PKN2: variants seen among roughly 807,000 people sequenced by gnomAD.
The protein encoded by PKN2 is serine/threonine-protein kinase N2.
PKN2 carries 38 observed loss-of-function variants against 119.1 expected under a neutral mutation model. That is an observed-to-expected ratio of 0.32 (90% confidence interval 0.25 to 0.42). The LOEUF (loss-of-function observed/expected upper bound fraction) is 0.42. PKN2 is among the 10% of genes least tolerant of loss of function. The probability of loss-of-function intolerance (pLI) is 1.00; values close to 1 mark genes in which losing one functional copy is unlikely to be tolerated. For missense variants in PKN2, 850 were observed against 1,165.1 expected (o/e 0.73, Z 3.94); for synonymous variants, 390 against 384.9 (o/e 1.01, Z -0.15).
At chr1:88,746,190 A>G (rs1668763349) in intron 2 of PKN2, among the ~76,000 whole-genome samples, 1 of 152,170 alleles carries the variant, frequency 6.6e-6, no homozygotes, top group Admixed American at 6.5e-5. Context: ...AAGAAAATAT[A>G]GAGGGAAAGC....
intron 1 of PKN2, among the ~76,000 whole-genome samples, chr1:88,697,853 T>C (rs1431440595): frequency 1.3e-5 from 2 of 152,218 alleles, no homozygotes; most frequent in African/African-American, 4.8e-5. Flanking sequence ...ATTTTTTTCC[T>C]TATTTTCCCC....
At chr1:88,827,004 G>A (rs902524051) in intron 18 of PKN2, among the ~76,000 whole-genome samples, 9 of 151,964 alleles carry the variant, frequency 5.9e-5, no homozygotes, top group Non-Finnish European at 1.3e-4. Context: ...GTGTGCTAAT[G>A]TATCTAATTG....
At chr1:88,791,592 G>C (rs1264574547) in intron 8 of PKN2, among the ~76,000 whole-genome samples, 1 of 152,158 alleles carries the variant, frequency 6.6e-6, no homozygotes, top group Non-Finnish European at 1.5e-5. Flanking sequence ...GTTATGTCCA[G>C]TCTCTTGGAT....
intron 1 of PKN2, among the ~76,000 whole-genome samples, chr1:88,688,568 C>T (rs1444374272): frequency 2.0e-5 from 3 of 152,162 alleles, no homozygotes; most frequent in African/African-American, 7.2e-5. Flanking sequence ...ACTTGGTAGT[C>T]TATAATTTAG....
intron 3 of PKN2, 104 bp from the exon 4 acceptor site, chr1:88,770,248 C>CT (rs1241076088): frequency 1.6e-6 from 1 of 634,228 alleles, no homozygotes; most frequent in African/African-American, 1.8e-5. Context: ...TCTTTTAACT[C>CT]TGTTTTTCAC....
chr1:88,772,393 C>T (rs1477483786), intron 6 of PKN2, among the ~76,000 whole-genome samples: 1 of 152,072 alleles, frequency 6.6e-6, no homozygotes, highest in Non-Finnish European at 1.5e-5. Context: ...TTTTTGTGCA[C>T]CCAACATGAT....
Position 88,805,600 on chromosome 1 carries a change from C to A in PKN2, c.1605C>A (p.Ser535Arg), listed in dbSNP as rs1671504021. 1.9e-6 allele frequency: 3 copies of A among 1,613,946 alleles called. No individual in the cohort carries two copies. The highest frequency in any genetic ancestry group is 2.5e-6 in the Non-Finnish European group (3 of 1,179,994). Reference sequence around the variant, plus strand: ...CAGTAAATCATTCTGGCACCTTCAGCCCTCAAGCTCCTGTGCCTACTACAG... The same window carrying A: ...CAGTAAATCATTCTGGCACCTTCAGACCTCAAGCTCCTGTGCCTACTACAG... Reference protein sequence around the residue: ...IPTVNHSGTFSPQAPVPTTVP... With the variant: ...IPTVNHSGTFRPQAPVPTTVP... The change falls in exon 11 of 22, where the codon AGC becomes AGA. Residue 535 changes from serine to arginine, a missense_variant. This residue lies in a region of PKN2 where 216 missense variants were observed against 252.8 expected (regional missense o/e 0.85). Coordinates refer to ENST00000370521, the MANE Select transcript of PKN2 (RefSeq NM_006256.4).
At chr1:88,801,249 G>A (rs1483767382) in intron 8 of PKN2, among the ~76,000 whole-genome samples, 2 of 152,124 alleles carry the variant, frequency 1.3e-5, no homozygotes, top group Non-Finnish European at 2.9e-5. Context: ...GCCATGTGTG[G>A]TGGTGGGTGC....
chr1:88,777,009 T>G (rs1002486763), intron 6 of PKN2, among the ~76,000 whole-genome samples: 1 of 152,148 alleles, frequency 6.6e-6, no homozygotes, highest in South Asian at 2.1e-4. Flanking sequence ...TCTTCAAATG[T>G]TCTTTCTTCT....
In PKN2 at chr1:88,833,389, C is replaced by G; in HGVS notation, c.2896C>G (p.Leu966Val). 6.2e-7 allele frequency: 1 copy of G among 1,613,406 alleles called. No individual in the cohort carries two copies. Among genetic ancestry groups the G allele is most frequent in the Non-Finnish European group, 8.5e-7 (1 of 1,179,462 alleles). Reference protein sequence around the residue: ...ILTPPREPRILSEEEQEMFRD... With the variant: ...ILTPPREPRIVSEEEQEMFRD... ...GACTCCACCTCGAGAACCAAGGATACTTTCGGAAGAGGAGCAGGAAATGTT... is the reference window on the plus strand; with the variant it reads ...GACTCCACCTCGAGAACCAAGGATAGTTTCGGAAGAGGAGCAGGAAATGTT... The change falls in exon 22 of 22, where the codon CTT (leucine) becomes GTT (valine). Residue 966 changes from leucine to valine, a missense_variant. Coordinates refer to ENST00000370521, the MANE Select transcript of PKN2 (RefSeq NM_006256.4).
chr1:88,794,496 G>A (rs58840332), intron 8 of PKN2, among the ~76,000 whole-genome samples: 10,163 of 152,090 alleles, frequency 0.067, 695 homozygotes, highest in African/African-American at 0.18. Context: ...CCTAGCTACT[G>A]GGGAGACTGA....
chr1:88,718,122 C>T (rs538257047), intron 1 of PKN2, among the ~76,000 whole-genome samples: 32 of 152,310 alleles, frequency 2.1e-4, no homozygotes, highest in Non-Finnish European at 4.0e-4. Context: ...GTATCACCAT[C>T]GGAGGCTGCA....
At chr1:88,759,997 AT>A in intron 2 of PKN2, among the ~76,000 whole-genome samples, 1 of 151,280 alleles carries the variant, frequency 6.6e-6, no homozygotes, top group East Asian at 1.9e-4. Context: ...TCACTTTTAT[AT>A]TTTAAGTGGA....
intron 2 of PKN2, among the ~76,000 whole-genome samples, chr1:88,750,357 T>G (rs1668938705): frequency 6.6e-6 from 1 of 152,190 alleles, no homozygotes; most frequent in African/African-American, 2.4e-5. Context: ...TGCTCCTGTG[T>G]TCTAGAACTC....
chr1:88,827,610 TCC>T (rs1356089207), intron 18 of PKN2, among the ~76,000 whole-genome samples: 2 of 88,320 alleles, frequency 2.3e-5, no homozygotes, highest in African/African-American at 4.5e-5. Context: ...CTCCCTTCCC[TCC>T]CCTTCCCTTC....
At chr1:88,758,217 T>C (rs1669295775) in intron 2 of PKN2, among the ~76,000 whole-genome samples, 1 of 152,154 alleles carries the variant, frequency 6.6e-6, no homozygotes, top group African/African-American at 2.4e-5. Flanking sequence ...TATGTATTAA[T>C]AGTTCCCATT....
In PKN2 at chr1:88,741,099, A is replaced by G; in HGVS notation, c.160A>G (p.Arg54Gly). 1 of 1,612,030 alleles carries G rather than the reference A, an allele frequency of 6.2e-7. No individual in the cohort carries two copies. Among genetic ancestry groups the G allele is most frequent in the Non-Finnish European group, 8.5e-7 (1 of 1,179,086 alleles). Residue 54 changes from arginine to glycine, a missense_variant, in exon 2 of 22, where the codon AGA becomes GGA. Transcript: ENST00000370521. The part of the protein sequence containing the change: ...KLDDIKDRIK[R>G]EIRKELKIKE... ...GGATGATATCAAGGATCGAATTAAG[A>G]GAGAAATAAGGAAAGAACTGAAAAT...
chr1:88,817,233 G>A (rs1036198227), intron 16 of PKN2, among the ~76,000 whole-genome samples: 2 of 152,116 alleles, frequency 1.3e-5, no homozygotes, highest in South Asian at 4.2e-4. Flanking sequence ...TGGGATGCAA[G>A]GCTGGTTCAA....
At chr1:88,832,536 C>G (rs970456158) in intron 19 of PKN2, among the ~76,000 whole-genome samples, 2 of 151,856 alleles carry the variant, frequency 1.3e-5, no homozygotes, top group South Asian at 4.2e-4. Context: ...GGTGTATTCC[C>G]TCTGTAATAG....
Sources: gnomAD v4.1 joint callset for allele counts (sites outside exome capture counted in the v4.1 genomes callset) on GRCh38, gnomAD v4.1.1 for gene constraint, gnomAD v4.1.1 regional missense constraint, MANE v1.5 for transcripts, NCBI Gene and HGNC (gene_info 2026-07-23, HGNC 2026-07-21) for gene names.